Variants in ERBB4 observed in about 807,000 individuals in gnomAD.
The protein encoded by ERBB4 is erb-b2 receptor tyrosine kinase 4.
A neutral mutation model predicts 158.0 loss-of-function variants in ERBB4; 42 were observed. That is an observed-to-expected ratio of 0.27 (90% confidence interval 0.21 to 0.34). The LOEUF is 0.34. Among genes scored for constraint, ERBB4 ranks in the 10% least tolerant of loss-of-function variants. The pLI is 1.00. For missense variants in ERBB4, 1,333 were observed against 1,624.1 expected, an observed-to-expected ratio of 0.82 and a Z score of 3.08; for synonymous variants, 583 against 558.7, an observed-to-expected ratio of 1.04 and a Z score of -0.61.
chr2:211,613,792 A>C (rs1354052159), intron 19 of ERBB4, among the ~76,000 whole-genome samples: 1 of 152,098 alleles, frequency 6.6e-6, no homozygotes, highest in East Asian at 1.9e-4. Flanking sequence ...GAATGTGAGG[A>C]AAAGGGAACC....
intron 1 of ERBB4, among the ~76,000 whole-genome samples, chr2:212,260,345 T>C (rs2084893551): frequency 6.6e-6 from 1 of 152,202 alleles, no homozygotes; most frequent in Non-Finnish European, 1.5e-5. Context: ...TTGGTCCTGC[T>C]ATTTGAAATT....
rs544738147 is a variant in ERBB4, at chr2:212,192,379, T to C, written c.83-67476A>G. On this transcript the variant is annotated intron_variant, in intron 1 of 27. Coordinates refer to ENST00000342788, the MANE Select transcript of ERBB4 (RefSeq NM_005235.3). The stretch of plus-strand genomic sequence containing the variant: ...GGAAACAGCAATTCCTCAGTTTTCA[T>C]AGTTATTTATCTCAGTTGTCTTTCT... 3.2e-4 allele frequency among the ~76,000 whole-genome samples: 48 copies of C among 151,918 alleles called. No individual in the cohort carries two copies. In the South Asian group the frequency reaches 9.3e-3, roughly 30 times the overall value.
At chr2:211,844,315 T>G (rs951961469) in intron 3 of ERBB4, among the ~76,000 whole-genome samples, 4 of 152,202 alleles carry the variant, frequency 2.6e-5, no homozygotes, top group East Asian at 1.9e-4. Flanking sequence ...CCTTCACATT[T>G]TATTTGGATA....
chr2:211,578,849 C>T (rs569268571), intron 19 of ERBB4, among the ~76,000 whole-genome samples: 1 of 152,084 alleles, frequency 6.6e-6, no homozygotes, highest in Non-Finnish European at 1.5e-5. Flanking sequence ...ATTATAAAAA[C>T]CCTAGAAGAA....
At chr2:211,863,405 T>C (rs1311575722) in intron 3 of ERBB4, among the ~76,000 whole-genome samples, 1 of 152,190 alleles carries the variant, frequency 6.6e-6, no homozygotes, top group Admixed American at 6.5e-5. Context: ...TTCCATGCTG[T>C]GGAAGCTTTG....
chr2:211,580,818 TA>T (rs1346902646), intron 19 of ERBB4, among the ~76,000 whole-genome samples: 7 of 31,792 alleles, frequency 2.2e-4, no homozygotes, highest in African/African-American at 5.0e-4. Flanking sequence ...ATATAATATA[TA>T]TATATTATAT....
intron 1 of ERBB4, among the ~76,000 whole-genome samples, chr2:212,355,926 T>C (rs1391067597): frequency 5.9e-5 from 9 of 152,012 alleles, no homozygotes; most frequent in Admixed American, 5.3e-4. Flanking sequence ...AAGTTAGTCA[T>C]GTCATTTGTA....
chr2:212,174,583 T>C (rs2081606393), intron 1 of ERBB4, among the ~76,000 whole-genome samples: 1 of 152,118 alleles, frequency 6.6e-6, no homozygotes, highest in African/African-American at 2.4e-5. Flanking sequence ...CTACTCATTC[T>C]ACTTGATTAA....
intron 2 of ERBB4, among the ~76,000 whole-genome samples, chr2:211,956,766 A>G (rs891265751): frequency 1.3e-5 from 2 of 152,122 alleles, no homozygotes; most frequent in African/African-American, 4.8e-5. Context: ...GCTCATAAAG[A>G]TATAGCTTCA....
intron 1 of ERBB4, among the ~76,000 whole-genome samples, chr2:212,439,779 C>T (rs2092215481): frequency 6.6e-6 from 1 of 152,058 alleles, no homozygotes; most frequent in African/African-American, 2.4e-5. Flanking sequence ...TGCAGGTTGT[C>T]ATTCCAACAC....
At chr2:211,425,830 G>A (rs1350241521) in intron 22 of ERBB4, among the ~76,000 whole-genome samples, 1 of 151,956 alleles carries the variant, frequency 6.6e-6, no homozygotes, top group African/African-American at 2.4e-5. Context: ...CTACAGGCAT[G>A]AGCCACCATG....
chr2:211,858,044 GATGTAACACACAC>G (rs1357038759), intron 3 of ERBB4, among the ~76,000 whole-genome samples: 2 of 152,114 alleles, frequency 1.3e-5, no homozygotes, highest in African/African-American at 4.8e-5. Context: ...TATGTTTCTC[GATGTAACACACAC>G]ATTTATTTAC....
chr2:211,387,283 C>T (rs2062706926), intron 26 of ERBB4, 133 bp from the exon 27 acceptor site: 1 of 782,406 alleles, frequency 1.3e-6, no homozygotes. Flanking sequence ...TTTTTTTCCC[C>T]TAGTGGCTAA....
intron 2 of ERBB4, among the ~76,000 whole-genome samples, chr2:212,113,004 G>C (rs2079459427): frequency 6.6e-6 from 1 of 152,070 alleles, no homozygotes. Context: ...ACCTAACACA[G>C]GCCTAAACAA....
chr2:211,438,702 T>C (rs1270333649), intron 20 of ERBB4, among the ~76,000 whole-genome samples: 1 of 152,078 alleles, frequency 6.6e-6, no homozygotes, highest in Non-Finnish European at 1.5e-5. Flanking sequence ...AGCTTCTCAT[T>C]CTGCTTGTTC....
chr2:212,315,924 ACAGT>A (rs1367982884), intron 1 of ERBB4, among the ~76,000 whole-genome samples: 3 of 151,486 alleles, frequency 2.0e-5, no homozygotes, highest in Admixed American at 6.6e-5. Context: ...ATATAAATTC[ACAGT>A]CAGCTGCATT....
At chr2:212,497,053 C>T (rs1690616602) in intron 1 of ERBB4, among the ~76,000 whole-genome samples, 1 of 151,642 alleles carries the variant, frequency 6.6e-6, no homozygotes, top group Admixed American at 6.6e-5. Flanking sequence ...TGGCATGCGC[C>T]TGTAATCCCA....
At chr2:212,320,811 G>A (rs1390755805) in intron 1 of ERBB4, among the ~76,000 whole-genome samples, 1 of 150,278 alleles carries the variant, frequency 6.7e-6, no homozygotes, top group East Asian at 1.9e-4. Flanking sequence ...CCGTGTTGTT[G>A]TGAGAATCAA....
intron 1 of ERBB4, among the ~76,000 whole-genome samples, chr2:212,192,630 A>G (rs2082307768): frequency 6.6e-6 from 1 of 152,100 alleles, no homozygotes. Context: ...CTTATCTTTC[A>G]TGGTCTTATC....
Sources: allele counts gnomAD v4.1 joint callset (sites outside exome capture counted in the v4.1 genomes callset), GRCh38; gene constraint gnomAD v4.1.1; transcripts MANE v1.5; gene names NCBI Gene and HGNC (gene_info 2026-07-23, HGNC 2026-07-21).